The following GAN variants were observed in gnomAD, a reference collection of about 807,000 sequenced individuals.
GAN encodes gigaxonin, also known as epididymis secretory sperm binding protein.
In GAN, 48 loss-of-function variants were observed where a neutral mutation model predicts 71.3. The ratio of observed to expected loss-of-function variants is 0.67; its 90% CI spans 0.53 to 0.86. GAN has a LOEUF of 0.86. Among genes scored for constraint, GAN ranks in the 40% least tolerant of loss-of-function variants. The pLI, the probability that GAN is intolerant of heterozygous loss-of-function variation, is 0.00. For missense variants in GAN, 928 were observed against 770.1 expected (o/e 1.21, Z -2.43); for synonymous variants, 386 against 276.8 (o/e 1.39, Z -3.92).
At position 81,357,880 on chromosome 16, in the gene GAN, G is replaced by C. The variant is rs1192845121; in HGVS notation, c.922G>C (p.Glu308Gln). The change falls in exon 5 of 11, where the codon GAA becomes CAA. Residue 308 changes from glutamate (E) to glutamine (Q), a missense_variant. Glu to Gln is a conservative substitution (Grantham distance 29). Coordinates refer to ENST00000648994, the MANE Select transcript of GAN (RefSeq NM_022041.4). ...LYDPNRQLWI[E>Q]LAPLSMPRIN... ...TGACCCTAACAGGCAGCTTTGGATC[G>C]AACTGGCCCCTTTAAGCATGCCGAG... 1.2e-6 allele frequency: 2 copies of C among 1,613,616 alleles called. No homozygotes were observed. The highest frequency in any genetic ancestry group is 1.7e-5 in the Admixed American group (1 of 59,996).
rs754108244 is a variant in GAN at position 81,362,529 on chromosome 16, A to G, written c.1004A>G (p.Asp335Gly). 9.9e-6 allele frequency: 16 copies of G among 1,608,344 alleles called. No individual in the cohort carries two copies. The highest frequency in any genetic ancestry group is 1.4e-5 in the Non-Finnish European group (16 of 1,174,796). Reference protein sequence around the residue: ...EGFLFVFGGQDENKQTLSSGE... With the variant: ...EGFLFVFGGQGENKQTLSSGE... ...TTTTTGTTTGTATTCGGGGGCCAAG[A>G]TGAAAATAAGCAGACTCTTAGCTCA... Residue 335 changes from aspartate (D) to glycine (G), a missense_variant, in exon 6 of 11, where the codon GAT (aspartate) becomes GGT (glycine). Asp to Gly is a moderately conservative substitution (Grantham distance 94). Transcript: ENST00000648994.
chr16:81,334,225 A>G (rs974108873), intron 1 of GAN, among the ~76,000 whole-genome samples: 3 of 152,142 alleles, frequency 2.0e-5, no homozygotes, highest in Non-Finnish European at 4.4e-5. Flanking sequence ...AGAATGGAAA[A>G]GGTTTCTGTG....
At chr16:81,319,365 A>G (rs1909152758) in intron 1 of GAN, among the ~76,000 whole-genome samples, 1 of 151,954 alleles carries the variant, frequency 6.6e-6, no homozygotes, top group African/African-American at 2.4e-5. Flanking sequence ...TTTGAATATT[A>G]CAGTTTGGTC....
intron 9 of GAN, among the ~76,000 whole-genome samples, chr16:81,376,465 ATGTGTGTGTGTGTGTGTGTGTG>A (rs56782049): frequency 1.6e-5 from 2 of 127,166 alleles, no homozygotes; most frequent in African/African-American, 6.0e-5. Context: ...ATACATACAT[ATGTGTGTGTGTGTGTGTGTGTG>A]TGTGTGTGTG....
At chr16:81,317,066 C>A (rs953124025) in intron 1 of GAN, among the ~76,000 whole-genome samples, 1 of 151,482 alleles carries the variant, frequency 6.6e-6, no homozygotes, top group Non-Finnish European at 1.5e-5. Flanking sequence ...ACCATGTTGG[C>A]CAGGCTGGTC....
intron 3 of GAN, 66 bp from the exon 4 acceptor site, chr16:81,356,719 A>G (rs756878092): frequency 9.0e-7 from 1 of 1,105,182 alleles, no homozygotes; most frequent in South Asian, 1.2e-5. Flanking sequence ...TGGAAAATGT[A>G]GATTCTAAAA....
chr16:81,345,054 C>T (rs981198514), intron 1 of GAN, among the ~76,000 whole-genome samples: 1 of 152,138 alleles, frequency 6.6e-6, no homozygotes, highest in African/African-American at 2.4e-5. Flanking sequence ...CAATGAGATA[C>T]CATCTCACAC....
intron 9 of GAN, among the ~76,000 whole-genome samples, chr16:81,375,071 C>T (rs1338510827): frequency 1.3e-5 from 2 of 152,010 alleles, no homozygotes; most frequent in African/African-American, 2.4e-5. Flanking sequence ...TTTAGAATGA[C>T]ACAGAAACTG....
At chr16:81,372,768 G>T (rs1237522786) in intron 9 of GAN, among the ~76,000 whole-genome samples, 1 of 152,178 alleles carries the variant, frequency 6.6e-6, no homozygotes, top group Non-Finnish European at 1.5e-5. Context: ...TTATGTTTAG[G>T]CCTGAAGACG....
At chr16:81,328,259 C>G (rs972046209) in intron 1 of GAN, among the ~76,000 whole-genome samples, 1 of 152,198 alleles carries the variant, frequency 6.6e-6, no homozygotes, top group African/African-American at 2.4e-5. Context: ...TGTATAGTTA[C>G]AGTTGAAGTA....
intron 1 of GAN, among the ~76,000 whole-genome samples, chr16:81,324,502 C>G (rs1909317567): frequency 1.3e-5 from 2 of 152,190 alleles, no homozygotes; most frequent in African/African-American, 4.8e-5. Context: ...GGTCAGGCCT[C>G]TCTGGGAACA....
In GAN at chr16:81,351,789, C is replaced by T; in HGVS notation, c.282+92C>T. ...TTTCATCCATTATATGACAAAGTAG[C>T]ACTGTCATCTTCATCTTCTGTCACT... On this transcript the variant is annotated intron_variant, in intron 2 of 10. Coordinates refer to ENST00000648994, the MANE Select transcript of GAN (RefSeq NM_022041.4). The T allele has an allele frequency of 5.2e-6, 4 of 768,042 alleles. No individual in the cohort carries two copies. In the South Asian group the frequency reaches 5.5e-5, roughly 11 times the overall value. 47.6% of individuals were successfully genotyped at this position (768,042 alleles called of 1,614,324 possible).
intron 5 of GAN, among the ~76,000 whole-genome samples, chr16:81,360,713 A>G (rs1910645840): frequency 6.6e-6 from 1 of 151,998 alleles, no homozygotes; most frequent in African/African-American, 2.4e-5. Context: ...TATTTTTTAA[A>G]CATGATAAGC....
chr16:81,362,303 G>A (rs1358348969), intron 5 of GAN, among the ~76,000 whole-genome samples, 196 bp from the exon 6 acceptor site: 2 of 152,180 alleles, frequency 1.3e-5, no homozygotes, highest in Non-Finnish European at 2.9e-5. Context: ...AGACAGTAAT[G>A]AGTAAAGCAA....
At chr16:81,335,582 A>G (rs1909728769) in intron 1 of GAN, among the ~76,000 whole-genome samples, 1 of 151,968 alleles carries the variant, frequency 6.6e-6, no homozygotes. Flanking sequence ...CCCCATCTCT[A>G]CTAAAAATAC....
chr16:81,363,759 C>T, intron 6 of GAN, 35 bp from the exon 7 acceptor site: 3 of 1,604,074 alleles, frequency 1.9e-6, no homozygotes, highest in Non-Finnish European at 2.6e-6. Context: ...TGATCATTGG[C>T]CTTGTGTGTT....
intron 1 of GAN, among the ~76,000 whole-genome samples, chr16:81,333,048 G>A (rs1909640010): frequency 6.6e-6 from 1 of 152,008 alleles, no homozygotes. Flanking sequence ...GATCATCCTG[G>A]CTAACACAGT....
intron 9 of GAN, among the ~76,000 whole-genome samples, chr16:81,368,947 A>C (rs952777629): frequency 6.6e-6 from 1 of 152,134 alleles, no homozygotes; most frequent in Admixed American, 6.5e-5. Context: ...TTAGCCACCT[A>C]CTCAGGGTTC....
intron 1 of GAN, among the ~76,000 whole-genome samples, chr16:81,340,535 G>A (rs1182625633): frequency 6.6e-6 from 1 of 152,108 alleles, no homozygotes; most frequent in Non-Finnish European, 1.5e-5. Context: ...CAGACCTGCA[G>A]CTGAGGGGCC....
Sources: gnomAD v4.1 joint callset for allele counts (sites outside exome capture counted in the v4.1 genomes callset) on GRCh38, gnomAD v4.1.1 for gene constraint, MANE v1.5 for transcripts, NCBI Gene and HGNC (gene_info 2026-07-23, HGNC 2026-07-21) for gene names.